Variants in ADAMTSL1 observed in about 807,000 individuals in gnomAD.
ADAMTSL1 encodes ADAMTS like 1.
Under a neutral mutation model 201.8 loss-of-function variants are expected in ADAMTSL1, and 126 were observed. That is an observed-to-expected ratio of 0.62 (90% CI 0.54 to 0.72). The LOEUF is 0.72. Ranked by LOEUF, ADAMTSL1 falls within the 30% of genes least tolerant of loss-of-function variation. The pLI, the probability that ADAMTSL1 is intolerant of heterozygous loss-of-function variation, is 0.00. For synonymous variants in ADAMTSL1, 1,121 were observed against 903.4 expected (o/e 1.24, Z -4.32); for missense variants, 2,679 against 2,277.8 (o/e 1.18, Z -3.59).
chr9:18,073,106 G>A (rs1307099708), intron 1 of ADAMTSL1, among the ~76,000 whole-genome samples: 3 of 152,142 alleles, frequency 2.0e-5, no homozygotes, highest in African/African-American at 7.2e-5. Flanking sequence ...CATTCTGAGA[G>A]GCCAGAACAG....
At chr9:18,228,367 C>T (rs1830508321) in intron 2 of ADAMTSL1, among the ~76,000 whole-genome samples, 1 of 152,170 alleles carries the variant, frequency 6.6e-6, no homozygotes, top group South Asian at 2.1e-4. Flanking sequence ...CAAATCCTCT[C>T]ATGCTGCTTG....
chr9:18,275,718 T>C (rs186509813), intron 2 of ADAMTSL1, among the ~76,000 whole-genome samples: 3 of 152,292 alleles, frequency 2.0e-5, no homozygotes, highest in South Asian at 2.1e-4. Flanking sequence ...TGAGTAGTAT[T>C]TCATTGTTTA....
chr9:18,691,457 T>C (rs1831207833), intron 13 of ADAMTSL1, among the ~76,000 whole-genome samples: 2 of 152,164 alleles, frequency 1.3e-5, no homozygotes, highest in Non-Finnish European at 2.9e-5. Flanking sequence ...ATATTTTGTA[T>C]CATTATGTGT....
At chr9:18,697,708 G>A (rs1831640322) in intron 13 of ADAMTSL1, among the ~76,000 whole-genome samples, 1 of 152,218 alleles carries the variant, frequency 6.6e-6, no homozygotes, top group South Asian at 2.1e-4. Context: ...GCAATCAGTT[G>A]AAAGTGAGAT....
intron 20 of ADAMTSL1, among the ~76,000 whole-genome samples, chr9:18,811,192 G>A (rs545431025): frequency 6.6e-6 from 1 of 152,076 alleles, no homozygotes; most frequent in South Asian, 2.1e-4. Flanking sequence ...GGCTGAGCAG[G>A]GAGCCTAGAT....
At chr9:18,889,137 G>A (rs1229164173) in intron 24 of ADAMTSL1, among the ~76,000 whole-genome samples, 1 of 152,164 alleles carries the variant, frequency 6.6e-6, no homozygotes, top group African/African-American at 2.4e-5. Context: ...AATCTGTACT[G>A]TGATGGTTAA....
chr9:18,196,441 C>T (rs186910549), intron 2 of ADAMTSL1, among the ~76,000 whole-genome samples: 5 of 151,980 alleles, frequency 3.3e-5, no homozygotes, highest in Non-Finnish European at 7.4e-5. Flanking sequence ...AAAAATGTGG[C>T]TGTTGCAGCC....
At chr9:18,460,034 CT>C (rs1820750405) in intron 2 of ADAMTSL1, among the ~76,000 whole-genome samples, 1 of 152,028 alleles carries the variant, frequency 6.6e-6, no homozygotes, top group African/African-American at 2.4e-5. Context: ...ACAGGAAAAC[CT>C]ACTAATGCTC....
At chr9:18,899,641 C>T (rs1455461089) in intron 26 of ADAMTSL1, among the ~76,000 whole-genome samples, 1 of 152,134 alleles carries the variant, frequency 6.6e-6, no homozygotes, top group East Asian at 1.9e-4. Context: ...GATCACATAC[C>T]TACAACCATC....
intron 3 of ADAMTSL1, among the ~76,000 whole-genome samples, chr9:18,560,818 G>A (rs1006837182): frequency 3.3e-5 from 5 of 151,848 alleles, no homozygotes; most frequent in Non-Finnish European, 7.4e-5. Context: ...ATTCTCTGAT[G>A]GTAGTTTGTA....
intron 1 of ADAMTSL1, among the ~76,000 whole-genome samples, chr9:18,004,731 A>C (rs1473438972): frequency 6.6e-6 from 1 of 152,064 alleles, no homozygotes; most frequent in Non-Finnish European, 1.5e-5. Flanking sequence ...GTATGACTAA[A>C]GATAAGAACT....
At chr9:18,436,296 A>G (rs1168684283) in intron 2 of ADAMTSL1, among the ~76,000 whole-genome samples, 2 of 152,006 alleles carry the variant, frequency 1.3e-5, no homozygotes, top group Admixed American at 1.3e-4. Flanking sequence ...TCCTTCTTTC[A>G]CACCTCTCTA....
In ADAMTSL1 at chr9:17,954,924, G is replaced by GTAC. The variant is rs543080558; in HGVS notation, c.87+48004_87+48006dup. Among the ~76,000 whole-genome samples the GTAC allele has an allele frequency of 4.5e-3, 680 of 152,248 alleles. 6 individuals are homozygous for GTAC. The highest frequency in any genetic ancestry group is 5.5e-3 in the Non-Finnish European group (376 of 68,020). ...AGTCTGTCAAGCCAAAGGTGAAAAG[G>GTAC]TACTGGGCTGCTCTTGAACTCCAGA... On this transcript the variant is annotated intron_variant, in intron 1 of 29. Transcript: ENST00000680146.
At position 18,574,566 on chromosome 9, in the gene ADAMTSL1, T is replaced by A. The variant is rs1298893935; in HGVS notation, c.474+300T>A. On this transcript the variant is annotated intron_variant, in intron 4 of 28. Coordinates refer to ENST00000380548, the MANE Select transcript of ADAMTSL1 (RefSeq NM_001040272.6). ...CTAGACTTTGAAATTATCCCCTGGA[T>A]TGGCTATTCCTGAAGTGTGTGTTTG... 5.6e-6 allele frequency: 3 copies of A among 536,592 alleles called. No individual in the cohort carries two copies. The East Asian group carries it at 8.8e-5, about 16-fold the overall frequency. 33.2% of individuals were successfully genotyped at this position (536,592 alleles called of 1,614,324 possible).
chr9:18,616,051 A>C (rs1267275798), intron 4 of ADAMTSL1, among the ~76,000 whole-genome samples: 1 of 152,048 alleles, frequency 6.6e-6, no homozygotes, highest in Non-Finnish European at 1.5e-5. Context: ...TTGGAGACAA[A>C]GTCTCGTTCT....
chr9:18,110,893 A>C lies in ADAMTSL1; in HGVS notation c.88-52969A>C, dbSNP rs951178532. ...CCCCTCCCATAATATGTATCAGTTG[A>C]CTCGGGAACATTATTAGTTTTTGAT... On this transcript the variant is annotated intron_variant, in intron 1 of 29. Coordinates refer to the ADAMTSL1 transcript ENST00000680146. Among the ~76,000 whole-genome samples the C allele has an allele frequency of 2.6e-5, 4 of 152,018 alleles. No homozygotes were observed. The East Asian group carries it at 7.7e-4, about 29-fold the overall frequency.
chr9:18,219,159 C>T (rs1222179498), intron 2 of ADAMTSL1, among the ~76,000 whole-genome samples: 1 of 151,646 alleles, frequency 6.6e-6, no homozygotes, highest in Non-Finnish European at 1.5e-5. Flanking sequence ...CATATTATTA[C>T]TCTTTTCAAA....
chr9:18,684,250 A>C (rs1830689006), intron 12 of ADAMTSL1, among the ~76,000 whole-genome samples: 1 of 152,182 alleles, frequency 6.6e-6, no homozygotes, highest in Admixed American at 6.5e-5. Flanking sequence ...TTTCAGAGTG[A>C]AAGAGTTTGT....
intron 21 of ADAMTSL1, among the ~76,000 whole-genome samples, chr9:18,823,924 A>G (rs1185621466): frequency 6.6e-6 from 1 of 152,090 alleles, no homozygotes. Context: ...CAGGAGGCAG[A>G]GGCTGCAGTG....
Sources: allele counts gnomAD v4.1 joint callset (sites outside exome capture counted in the v4.1 genomes callset), GRCh38; gene constraint gnomAD v4.1.1; transcripts MANE v1.5; gene names NCBI Gene and HGNC (gene_info 2026-07-23, HGNC 2026-07-21).